Variants in MAF observed in about 807,000 individuals in gnomAD.
The protein encoded by MAF is transcription factor Maf.
In MAF, 10 loss-of-function variants were observed where a neutral mutation model predicts 22.0. The ratio of observed to expected loss-of-function variants is 0.45; its 90% CI spans 0.28 to 0.77. MAF has a LOEUF of 0.77. Ranked by LOEUF, MAF falls within the 30% of genes least tolerant of loss-of-function variation. The pLI is 0.12. For missense variants in MAF, 544 were observed against 548.4 expected, an observed-to-expected ratio of 0.99 and a Z score of 0.08; for synonymous variants, 337 against 255.8, an observed-to-expected ratio of 1.32 and a Z score of -3.03.
chr16:79,363,198 AG>A, the MAF span, among the ~76,000 whole-genome samples: 2 of 144,670 alleles, frequency 1.4e-5, no homozygotes, highest in Non-Finnish European at 3.0e-5. Flanking sequence ...GAACAAGGGT[AG>A]GGGGGTGGGG....
chr16:79,248,643 AT>A, the MAF span, among the ~76,000 whole-genome samples: 1 of 152,214 alleles, frequency 6.6e-6, no homozygotes, highest in South Asian at 2.1e-4. Flanking sequence ...CACTTAAAAA[AT>A]ATTCTGATTT....
chr16:79,265,416 G>A, the MAF span, among the ~76,000 whole-genome samples: 1 of 151,954 alleles, frequency 6.6e-6, no homozygotes, highest in African/African-American at 2.4e-5. Context: ...TCTCTCTTTC[G>A]CCAGGGTCCC....
the MAF span, among the ~76,000 whole-genome samples, chr16:79,450,063 C>A: frequency 6.6e-6 from 1 of 152,182 alleles, no homozygotes; most frequent in Non-Finnish European, 1.5e-5. Flanking sequence ...TTCCTCTTTC[C>A]ATAGTATTCC....
At chr16:79,502,129 C>G in the MAF span, among the ~76,000 whole-genome samples, 1 of 152,182 alleles carries the variant, frequency 6.6e-6, no homozygotes. Context: ...CGAGTACCCT[C>G]TCAAGAGCCC....
the MAF span, among the ~76,000 whole-genome samples, chr16:79,210,961 G>A: frequency 6.6e-6 from 1 of 152,040 alleles, no homozygotes; most frequent in African/African-American, 2.4e-5. Flanking sequence ...ATGACATTTA[G>A]AAAAAGGTTT....
At chr16:79,508,104 G>A in the MAF span, among the ~76,000 whole-genome samples, 1 of 152,158 alleles carries the variant, frequency 6.6e-6, no homozygotes, top group Non-Finnish European at 1.5e-5. Flanking sequence ...AAGGAAGAAG[G>A]CGCAGCATGG....
the MAF span, among the ~76,000 whole-genome samples, chr16:79,322,754 C>G: frequency 1.3e-5 from 2 of 151,974 alleles, no homozygotes; most frequent in Non-Finnish European, 2.9e-5. Flanking sequence ...GTATAAAGAG[C>G]TCAGAGGTGA....
At chr16:79,347,070 A>C in the MAF span, among the ~76,000 whole-genome samples, 1 of 152,196 alleles carries the variant, frequency 6.6e-6, no homozygotes, top group Non-Finnish European at 1.5e-5. Context: ...CCCAGCACCT[A>C]GTAGGGGATC....
the MAF span, among the ~76,000 whole-genome samples, chr16:79,281,082 A>C: frequency 6.6e-6 from 1 of 152,216 alleles, no homozygotes; most frequent in African/African-American, 2.4e-5. Flanking sequence ...GAGGAAGAGG[A>C]AGAAGAGACG....
chr16:79,254,945 C>A, the MAF span, among the ~76,000 whole-genome samples: 27 of 152,268 alleles, frequency 1.8e-4, no homozygotes, highest in Non-Finnish European at 1.6e-4. Flanking sequence ...AGAGTCGAAT[C>A]CCCAGGTCAA....
chr16:79,589,819 G>C (rs755485862), downstream of MAF, among the ~76,000 whole-genome samples: 3 of 152,164 alleles, frequency 2.0e-5, no homozygotes, highest in Non-Finnish European at 4.4e-5. Context: ...GGTGGGCGCG[G>C]GGCCCTGGGG....
chr16:79,316,471 T>C, the MAF span, among the ~76,000 whole-genome samples: 1 of 152,172 alleles, frequency 6.6e-6, no homozygotes, highest in African/African-American at 2.4e-5. Flanking sequence ...TGTTTCTCGG[T>C]TTCCATGTCT....
At chr16:79,575,917 T>G in the MAF span, among the ~76,000 whole-genome samples, 1 of 152,142 alleles carries the variant, frequency 6.6e-6, no homozygotes, top group Non-Finnish European at 1.5e-5. Context: ...TGGGTCAATT[T>G]AATCAGTGAT....
At chr16:79,440,149 G>C in the MAF span, among the ~76,000 whole-genome samples, 1 of 152,208 alleles carries the variant, frequency 6.6e-6, no homozygotes, top group East Asian at 1.9e-4. Flanking sequence ...CCTGGATGCA[G>C]GAAGGAAGCA....
At chr16:79,507,068 C>G in the MAF span, among the ~76,000 whole-genome samples, 1 of 151,368 alleles carries the variant, frequency 6.6e-6, no homozygotes. Context: ...GTGTGTACCA[C>G]TAGTGTTATT....
At chr16:79,299,927 G>A in the MAF span, among the ~76,000 whole-genome samples, 1 of 152,166 alleles carries the variant, frequency 6.6e-6, no homozygotes, top group East Asian at 1.9e-4. Context: ...TGGCAAACAG[G>A]GCTTTCTGAC....
the MAF span, among the ~76,000 whole-genome samples, chr16:79,319,568 G>A: frequency 6.6e-6 from 1 of 152,212 alleles, no homozygotes; most frequent in Admixed American, 6.5e-5. Context: ...TAGGTGGAAA[G>A]GGGCTGGGGG....
At chr16:79,518,068 T>A in the MAF span, among the ~76,000 whole-genome samples, 1 of 152,248 alleles carries the variant, frequency 6.6e-6, no homozygotes, top group Admixed American at 6.5e-5. Flanking sequence ...ATGCCGGGCA[T>A]CCTATTAACC....
At chr16:79,211,274 C>T in the MAF span, among the ~76,000 whole-genome samples, 1 of 152,160 alleles carries the variant, frequency 6.6e-6, no homozygotes, top group Non-Finnish European at 1.5e-5. Context: ...TTTGTTCTTG[C>T]ACGTTCAGAA....
Sources: allele counts gnomAD v4.1 joint callset (sites outside exome capture counted in the v4.1 genomes callset), GRCh38; gene constraint gnomAD v4.1.1; transcripts MANE v1.5; gene names NCBI Gene and HGNC (gene_info 2026-07-23, HGNC 2026-07-21).